The following SYMPK variants were observed in gnomAD, a reference collection of about 807,000 sequenced individuals.
SYMPK encodes symplekin.
Under a neutral mutation model 136.4 loss-of-function variants are expected in SYMPK, and 49 were observed. That is an observed-to-expected ratio of 0.36 (90% CI 0.29 to 0.46). The LOEUF (loss-of-function observed/expected upper bound fraction) is 0.46. SYMPK is among the 20% of genes least tolerant of loss of function. The pLI, the probability that SYMPK is intolerant of heterozygous loss-of-function variation, is 1.00. For missense variants in SYMPK, 1,365 were observed against 1,690.0 expected, an observed-to-expected ratio of 0.81 and a Z score of 3.37; for synonymous variants, 766 against 713.0, an observed-to-expected ratio of 1.07 and a Z score of -1.19.
At chr19:45,818,203 G>A (rs1390639625) in intron 22 of SYMPK, 57 bp from the exon 23 acceptor site, 2 of 1,468,396 alleles carry the variant, frequency 1.4e-6, no homozygotes, top group Non-Finnish European at 1.8e-6. Context: ...CCTGGGAGGT[G>A]GGAGTCCCGG....
intron 20 of SYMPK, 70 bp downstream of exon 20, chr19:45,823,302 C>T (rs1970953135): frequency 8.8e-6 from 13 of 1,478,530 alleles, no homozygotes; most frequent in East Asian, 2.3e-5. Context: ...GCTGAAGCAA[C>T]GTGCTGCCCT....
intron 1 of SYMPK, chr19:45,862,693 G>C (rs892905833): frequency 5.1e-6 from 1 of 194,200 alleles, no homozygotes; most frequent in Non-Finnish European, 1.0e-5. Flanking sequence ...AGTTAGCCAA[G>C]CCGAATGGGT....
chr19:45,858,096 G>A lies in SYMPK; in HGVS notation c.-12-3589C>T, dbSNP rs552352064. On this transcript the variant is annotated intron_variant, in intron 1 of 26. Transcript: ENST00000245934. Reference sequence around the variant, plus strand: ...TTACAGGTGTGAGCCACAGCGCCCAGCCGAAAATGACACGTTTTTTAAAAG... The same window carrying A: ...TTACAGGTGTGAGCCACAGCGCCCAACCGAAAATGACACGTTTTTTAAAAG... 2.0e-5 allele frequency among the ~76,000 whole-genome samples: 3 copies of A among 152,250 alleles called. No homozygotes were observed. In the South Asian group the frequency reaches 6.2e-4, roughly 32 times the overall value.
At chr19:45,820,031 T>G (rs1483485949) in intron 22 of SYMPK, 4 of 152,472 alleles carry the variant, frequency 2.6e-5, no homozygotes, top group Admixed American at 6.5e-5. Flanking sequence ...TGGTGGCCTG[T>G]GTGGCCTCTG....
chr19:45,826,229 T>C lies in SYMPK; in HGVS notation c.2326A>G (p.Thr776Ala). The part of the protein sequence containing the change: ...PSVLFGADKD[T>A]EVAAPWTEET... ...CATCTGATGACCTGTGCCCAACCTG[T>C]GTCCTTGTCAGCTCCAAACAGCACA... Residue 776 changes from threonine (T) to alanine (A), a missense_variant, in exon 17 of 27, where the codon ACA becomes GCA. By Grantham distance (58) the Thr-to-Ala change is moderately conservative. Around this residue, in one of 11 missense-constraint regions of SYMPK, gnomAD observed 92 missense variants for 198.6 expected, o/e 0.46. Coordinates refer to ENST00000245934, the MANE Select transcript of SYMPK (RefSeq NM_004819.3). 2 of 1,611,534 alleles carry C rather than the reference T, an allele frequency of 1.2e-6. No individual in the cohort carries two copies. Among genetic ancestry groups the C allele is most frequent in the Non-Finnish European group, 1.7e-6 (2 of 1,178,854 alleles).
rs139033551 is a variant in SYMPK at position 45,845,820 on chromosome 19, C to T, written c.677-1620G>A. ...CTGTAGTAAGTGACATTCTCACCAA[C>T]AGTGTACAAGTGTTTCCCTTTCTCC... On this transcript the variant is annotated intron_variant, in intron 7 of 26. Transcript: ENST00000245934. Among the ~76,000 whole-genome samples, 35 of 152,326 alleles carry T rather than the reference C, an allele frequency of 2.3e-4. 1 individual carries two copies. The East Asian group carries it at 6.7e-3, about 29-fold the overall frequency.
At chr19:45,831,169 AT>A (rs10714046) in intron 12 of SYMPK, 177,251 of 342,050 alleles carry the variant, frequency 0.52, 29,681 homozygotes, top group African/African-American at 0.63. Flanking sequence ...ATAAAAAAGG[AT>A]TTTTTTTTTT....
rs1224059443 is a variant in SYMPK, at chr19:45,823,357, C to T, written c.2700+15G>A. The stretch of plus-strand genomic sequence containing the variant: ...GTCCCAGGTAGCAGGGACAAACAGG[C>T]CTCCAGCTCCATACCTTCTCCAGCC... On this transcript the variant is annotated intron_variant, in intron 20 of 26. Coordinates refer to ENST00000245934, the MANE Select transcript of SYMPK (RefSeq NM_004819.3). The T allele has an allele frequency of 1.9e-6, 3 of 1,613,072 alleles. No individual in the cohort carries two copies. The highest frequency in any genetic ancestry group is 2.5e-6 in the Non-Finnish European group (3 of 1,179,330).
chr19:45,847,805 T>C lies in SYMPK; in HGVS notation c.623A>G (p.Glu208Gly). ...GATGCGGTCCAGGCTGATATCATGC[T>C]CCTGGCGTCGGGGTATCTCTGAGTC... ...MADSEIPRRQ[E>G]HDISLDRIPR... The change falls in exon 7 of 27, where the codon GAG (glutamate) becomes GGG (glycine). Residue 208 changes from glutamate to glycine, a missense_variant. By Grantham distance (98) the Glu-to-Gly change is moderately conservative. This residue lies in a region of SYMPK where 237 missense variants were observed against 292.9 expected (regional missense o/e 0.81). Coordinates refer to ENST00000245934, the MANE Select transcript of SYMPK (RefSeq NM_004819.3). The C allele has an allele frequency of 6.2e-7, 1 of 1,614,098 alleles. No homozygotes were observed. Among genetic ancestry groups the C allele is most frequent in the Non-Finnish European group, 8.5e-7 (1 of 1,180,014 alleles).
In SYMPK at chr19:45,827,986, A is replaced by G; in HGVS notation, c.1986-68T>C. On this transcript the variant is annotated intron_variant, in intron 14 of 26. Transcript: ENST00000245934. Reference sequence around the variant, plus strand: ...CCGCCTGGCTCCCGGGCCCTGCTGAATTGTAGGAGCTCAGGGCCAGCAGGC... The same window carrying G: ...CCGCCTGGCTCCCGGGCCCTGCTGAGTTGTAGGAGCTCAGGGCCAGCAGGC... The G allele has an allele frequency of 2.0e-6, 3 of 1,466,692 alleles. No individual in the cohort carries two copies. In the South Asian group the frequency reaches 3.4e-5, roughly 17 times the overall value. 90.9% of individuals were successfully genotyped at this position (1,466,692 alleles called of 1,614,324 possible).
chr19:45,816,222 G>A (rs746540646), intron 25 of SYMPK, 39 bp from the exon 26 acceptor site: 95 of 1,400,826 alleles, frequency 6.8e-5, no homozygotes, highest in Non-Finnish European at 8.6e-5. Flanking sequence ...TCAGAGGTGG[G>A]TGGCTCAGAG....
chr19:45,854,875 C>CTTTTT (rs373248557), intron 1 of SYMPK: 2 of 167,592 alleles, frequency 1.2e-5, no homozygotes, highest in Admixed American at 1.3e-4. Context: ...CCACAGCAAA[C>CTTTTT]TTTCTTTTTT....
rs1430959421 is a variant in SYMPK at position 45,827,632 on chromosome 19, A to G, written c.2068-9T>C. 1 of 1,612,424 alleles carries G rather than the reference A, an allele frequency of 6.2e-7. No individual in the cohort carries two copies. The highest frequency in any genetic ancestry group is 8.5e-7 in the Non-Finnish European group (1 of 1,178,468). On this transcript the variant is annotated splice_polypyrimidine_tract_variant and intron_variant, in intron 15 of 26. Transcript: ENST00000245934. The stretch of plus-strand genomic sequence containing the variant: ...CCCAGATAGGTGCGACTCTGCAGCA[A>G]AAGGAAAGGGACCCGAGCTCAGCCC...
chr19:45,841,812 G>A (rs1971445344), intron 9 of SYMPK, among the ~76,000 whole-genome samples: 1 of 152,094 alleles, frequency 6.6e-6, no homozygotes. Context: ...CACTTCTGGA[G>A]GAAAACATAA....
chr19:45,827,996 C>T, intron 14 of SYMPK, 78 bp from the exon 15 acceptor site: 2 of 1,369,376 alleles, frequency 1.5e-6, no homozygotes, highest in Non-Finnish European at 1.0e-6. Flanking sequence ...ATTGTAGGAG[C>T]TCAGGGCCAG....
At chr19:45,817,530 C>T (rs1970782415) in intron 23 of SYMPK, among the ~76,000 whole-genome samples, 1 of 149,508 alleles carries the variant, frequency 6.7e-6, no homozygotes, top group Admixed American at 6.7e-5. Context: ...CTCCTGGGCT[C>T]AAGCAGTCCT....
Position 45,821,283 on chromosome 19 carries a change from G to A in SYMPK, c.2893+101C>T. On this transcript the variant is annotated intron_variant, in intron 22 of 26. Coordinates refer to ENST00000245934, the MANE Select transcript of SYMPK (RefSeq NM_004819.3). The surrounding 1 kb of genome is among the most constrained non-coding windows in gnomAD (Gnocchi z 4.4). ...CTCTGAGGTGGGGCTGTGAGTGACA[G>A]TCTTTGACTTGGCAGATTCCAGTGG... 2.2e-6 allele frequency: 2 copies of A among 902,532 alleles called. No individual in the cohort carries two copies. The highest frequency in any genetic ancestry group is 3.7e-6 in the Non-Finnish European group (2 of 545,018). 55.9% of individuals were successfully genotyped at this position (902,532 alleles called of 1,614,324 possible).
In SYMPK at chr19:45,816,771, AGGGTACCTGGTGGGGGGAAG is replaced by A. The variant is rs769887443; in HGVS notation, c.3258+7_3258+26del. The A allele has an allele frequency of 1.7e-5, 25 of 1,503,736 alleles. No homozygotes were observed. In the East Asian group the frequency reaches 2.0e-4, roughly 12 times the overall value. The allele number at this position is 1,503,736 out of a possible 1,614,324, so 93.1% of individuals were successfully genotyped here. On this transcript the variant is annotated splice_region_variant and intron_variant, in intron 24 of 26. Coordinates refer to ENST00000245934, the MANE Select transcript of SYMPK (RefSeq NM_004819.3). ...CACCGCACACCCTGGGTGGGGGGAA[AGGGTACCTGGTGGGGGGAAG>A]GGGTACCTGGTGGGGGGTGAAGGAG... is the stretch of plus-strand genomic sequence containing the variant.
At position 45,816,434 on chromosome 19, in the gene SYMPK, G is replaced by A. The variant is rs991533039; in HGVS notation, c.3354+48C>T. 2.5e-6 allele frequency: 4 copies of A among 1,576,898 alleles called. No individual in the cohort carries two copies. In the African/African-American group the frequency reaches 4.0e-5, roughly 16 times the overall value. ...TGGTGAGCCTTGCTGGCTTGGGGTAGGGGGTGGGAGTCTGGGGATCCAGAT... is the reference window on the plus strand; with the variant it reads ...TGGTGAGCCTTGCTGGCTTGGGGTAAGGGGTGGGAGTCTGGGGATCCAGAT... On this transcript the variant is annotated intron_variant, in intron 25 of 26. Transcript: ENST00000245934.
Sources: allele counts gnomAD v4.1 joint callset (sites outside exome capture counted in the v4.1 genomes callset), GRCh38; gene constraint gnomAD v4.1.1; regional missense constraint gnomAD v4.1.1; non-coding constraint Gnocchi (gnomAD v3.1); transcripts MANE v1.5; gene names NCBI Gene and HGNC (gene_info 2026-07-23, HGNC 2026-07-21).